The following IFRD1 variants were observed in gnomAD, a reference collection of about 807,000 sequenced individuals.
IFRD1 encodes interferon related developmental regulator 1.
Under a neutral mutation model 52.9 loss-of-function variants are expected in IFRD1, and 35 were observed. The ratio of observed to expected loss-of-function variants is 0.66; its 90% CI spans 0.51 to 0.88. The LOEUF (loss-of-function observed/expected upper bound fraction) is 0.88. IFRD1 is among the 40% of genes least tolerant of loss of function. The probability of loss-of-function intolerance (pLI) is 0.00; values close to 1 mark genes in which losing one functional copy is unlikely to be tolerated. For missense variants in IFRD1, 517 were observed against 550.8 expected, an observed-to-expected ratio of 0.94 and a Z score of 0.61; for synonymous variants, 184 against 188.4, an observed-to-expected ratio of 0.98 and a Z score of 0.19.
At chr7:112,467,824 A>C (rs572498391) in intron 8 of IFRD1, 157 bp from the exon 9 acceptor site, 27 of 709,334 alleles carry the variant, frequency 3.8e-5, no homozygotes, top group Non-Finnish European at 7.3e-6. Context: ...GCATGAAAAC[A>C]TGTGTTTATG....
At chr7:112,467,119 A>T (rs1277794693) in intron 8 of IFRD1, among the ~76,000 whole-genome samples, 3 of 152,198 alleles carry the variant, frequency 2.0e-5, no homozygotes, top group African/African-American at 7.2e-5. Context: ...TTTAGACATT[A>T]AAAGAAACCA....
At chr7:112,458,817 C>T (rs764709907) in intron 4 of IFRD1, 44 bp from the exon 5 acceptor site, 26 of 1,578,686 alleles carry the variant, frequency 1.6e-5, no homozygotes, top group Non-Finnish European at 1.9e-5. Flanking sequence ...GTAAGTTAGT[C>T]TACTGAAAAG....
At chr7:112,438,599 C>T (rs1016819105) in intron 1 of IFRD1, among the ~76,000 whole-genome samples, 2 of 152,094 alleles carry the variant, frequency 1.3e-5, no homozygotes, top group African/African-American at 2.4e-5. Context: ...AGAAACAGAA[C>T]CTGGAGACAA....
At chr7:112,427,660 T>A (rs528416134) in intron 1 of IFRD1, among the ~76,000 whole-genome samples, 1 of 152,360 alleles carries the variant, frequency 6.6e-6, no homozygotes, top group East Asian at 1.9e-4. Context: ...GTTTAATTGC[T>A]TTCTTTTCTT....
rs1040106360 is a variant in IFRD1 at position 112,476,888 on chromosome 7, C to T, written c.*1369C>T. The T allele has an allele frequency of 3.9e-5, 6 of 152,060 alleles. No homozygotes were observed. Among genetic ancestry groups the T allele is most frequent in the African/African-American group, 1.4e-4 (6 of 41,400 alleles). 9.4% of individuals were successfully genotyped at this position (152,060 alleles called of 1,614,324 possible). On this transcript the variant is annotated 3_prime_UTR_variant, in exon 12 of 12. Transcript: ENST00000403825. ...GAGAAGTATCAAAATCATTTAAGGT[C>T]TTTTTTCCAAACTAGTGTTCCCCTC...
chr7:112,468,497 T>C (rs1795671855), intron 9 of IFRD1, among the ~76,000 whole-genome samples: 1 of 152,130 alleles, frequency 6.6e-6, no homozygotes, highest in South Asian at 2.1e-4. Flanking sequence ...CCCAGCTTGA[T>C]TGTCATTTAT....
At chr7:112,450,427 T>A (rs1006972554), upstream of IFRD1, 9 of 523,456 alleles carry the variant, frequency 1.7e-5, no homozygotes, top group Non-Finnish European at 3.1e-5. Context: ...GTGGCGGTAT[T>A]GCTACTTAAG....
In IFRD1 at chr7:112,477,103, A is replaced by C. The variant is rs184852685; in HGVS notation, c.*1584A>C. The C allele has an allele frequency of 1.3e-5, 2 of 152,204 alleles. No individual in the cohort carries two copies. Among genetic ancestry groups the C allele is most frequent in the Non-Finnish European group, 2.9e-5 (2 of 68,044 alleles). The allele number at this position is 152,204 out of a possible 1,614,324, so 9.4% of individuals were successfully genotyped here. ...AGTAGGTTAGAACCATGGAAAAGAGATTGCAAATGGTAGTTTCTTCTAGAT... is the reference window on the plus strand; with the variant it reads ...AGTAGGTTAGAACCATGGAAAAGAGCTTGCAAATGGTAGTTTCTTCTAGAT... On this transcript the variant is annotated 3_prime_UTR_variant, in exon 12 of 12. Transcript: ENST00000403825.
intron 1 of IFRD1, among the ~76,000 whole-genome samples, chr7:112,439,450 C>A (rs1029360570): frequency 6.6e-6 from 1 of 152,174 alleles, no homozygotes; most frequent in South Asian, 2.1e-4. Context: ...CCCCAAGCCA[C>A]AGAAATCTCA....
At chr7:112,475,089 G>T (rs896756230) in intron 11 of IFRD1, among the ~76,000 whole-genome samples, 1 of 152,090 alleles carries the variant, frequency 6.6e-6, no homozygotes, top group Admixed American at 6.5e-5. Context: ...CTCCCGAGTA[G>T]CTGGGACTAC....
chr7:112,466,696 C>T (rs1255809295), intron 8 of IFRD1, among the ~76,000 whole-genome samples: 2 of 152,090 alleles, frequency 1.3e-5, no homozygotes, highest in Non-Finnish European at 2.9e-5. Flanking sequence ...TTGATTTATT[C>T]TTCTATACAA....
At chr7:112,442,365 A>T (rs1794911807) in intron 1 of IFRD1, among the ~76,000 whole-genome samples, 1 of 152,262 alleles carries the variant, frequency 6.6e-6, no homozygotes, top group African/African-American at 2.4e-5. Context: ...TATAAGGAGT[A>T]TCTCATCATT....
intron 1 of IFRD1, among the ~76,000 whole-genome samples, chr7:112,444,795 T>C (rs1794978639): frequency 6.6e-6 from 1 of 152,122 alleles, no homozygotes; most frequent in Non-Finnish European, 1.5e-5. Flanking sequence ...TGGGGACTAC[T>C]AGAGGCGGGA....
intron 1 of IFRD1, among the ~76,000 whole-genome samples, chr7:112,434,216 C>A (rs1794616413): frequency 6.6e-6 from 1 of 152,166 alleles, no homozygotes; most frequent in African/African-American, 2.4e-5. Flanking sequence ...TTCTCATTTT[C>A]ATTGAGGTCC....
At chr7:112,425,526 C>T (rs1309183708) in intron 1 of IFRD1, among the ~76,000 whole-genome samples, 1 of 152,164 alleles carries the variant, frequency 6.6e-6, no homozygotes, top group African/African-American at 2.4e-5. Context: ...GACTCTAGAA[C>T]TTGTACCAGA....
In IFRD1 at chr7:112,458,991, G is replaced by A. The variant is rs1336265034; in HGVS notation, c.540G>A (p.Gly180=). Residue 180 remains glycine, a synonymous_variant, in exon 5 of 12, where the codon GGG becomes GGA. Coordinates refer to ENST00000403825, the MANE Select transcript of IFRD1 (RefSeq NM_001550.4). ...TCCTAAAGAAAATCATTTGTGATGG[G>A]TCAGCTAGTATGCAGGCTAGGCAAA... ...GPILKKIICD[G]SASMQARQTC... is the part of the protein sequence containing the mutation. 3.7e-6 allele frequency: 6 copies of A among 1,613,778 alleles called. No individual in the cohort carries two copies. Among genetic ancestry groups the A allele is most frequent in the Non-Finnish European group, 5.1e-6 (6 of 1,179,870 alleles).
rs549133495 is a variant in IFRD1 at position 112,475,376 on chromosome 7, T to C, written c.1267-54T>C. 5.9e-5 allele frequency: 59 copies of C among 994,428 alleles called. No individual in the cohort carries two copies. The South Asian group carries it at 7.2e-4, about 12-fold the overall frequency. The allele number at this position is 994,428 out of a possible 1,614,324, so 61.6% of individuals were successfully genotyped here. A position where few individuals can be genotyped will look rare whatever the true frequency, so the allele number is the denominator to read the frequency against. ...TGTGACTTTTACCCTTTTTCTGTTTTGTAAGAATATCTTAAGTCTTACTGA... is the reference window on the plus strand; with the variant it reads ...TGTGACTTTTACCCTTTTTCTGTTTCGTAAGAATATCTTAAGTCTTACTGA... On this transcript the variant is annotated intron_variant, in intron 11 of 11. Coordinates refer to ENST00000403825, the MANE Select transcript of IFRD1 (RefSeq NM_001550.4).
Position 112,462,118 on chromosome 7 carries a change from C to T in IFRD1, c.736C>T (p.Leu246Phe). The T allele has an allele frequency of 6.2e-7, 1 of 1,613,794 alleles. No individual in the cohort carries two copies. Residue 246 changes from leucine to phenylalanine, a missense_variant, in exon 7 of 12, where the codon CTT becomes TTT. Physicochemically the swap from Leu to Phe is conservative, Grantham distance 22. Transcript: ENST00000403825. ...TACAGTGCTTCATATCAGCTCTCTT[C>T]TTGCATGGACACTACTGCTGACCAT... ...PNTVLHISSL[L>F]AWTLLLTICP...
intron 1 of IFRD1, among the ~76,000 whole-genome samples, chr7:112,444,228 T>G (rs962739331): frequency 6.6e-6 from 1 of 152,198 alleles, no homozygotes; most frequent in African/African-American, 2.4e-5. Context: ...AACATTCCCA[T>G]TTTAGAAGAC....
Sources: allele counts gnomAD v4.1 joint callset (sites outside exome capture counted in the v4.1 genomes callset), GRCh38; gene constraint gnomAD v4.1.1; transcripts MANE v1.5; gene names NCBI Gene and HGNC (gene_info 2026-07-23, HGNC 2026-07-21).